CDKL1: variants seen among roughly 807,000 people sequenced by gnomAD.
CDKL1 encodes the protein cyclin-dependent kinase-like 1.
Under a neutral mutation model 42.0 loss-of-function variants are expected in CDKL1, and 41 were observed. The ratio of observed to expected loss-of-function variants is 0.98; its 90% confidence interval spans 0.76 to 1.27. The LOEUF is 1.27. CDKL1 is among the 50% of genes most tolerant of loss of function. The pLI, the probability that CDKL1 is intolerant of heterozygous loss-of-function variation, is 0.00. For missense variants in CDKL1, 394 were observed against 428.4 expected (o/e 0.92, Z 0.71); for synonymous variants, 153 against 158.6 (o/e 0.96, Z 0.26).
chr14:50,335,530 AGTCACG>A, intron 7 of CDKL1: 1 of 1,536,140 alleles, frequency 6.5e-7, no homozygotes, highest in Non-Finnish European at 8.7e-7. Flanking sequence ...ATTTTGCGCC[AGTCACG>A]TGCTGGAGAC....
chr14:50,371,374 A>G (rs2034585716), intron 2 of CDKL1, among the ~76,000 whole-genome samples: 1 of 152,168 alleles, frequency 6.6e-6, no homozygotes, highest in African/African-American at 2.4e-5. Context: ...TTTTCTCCAC[A>G]TCCTCGCCAA....
rs1394414410 is a variant in CDKL1 at position 50,328,856 on chromosome 14, G to C, written c.*1218C>G. The C allele has an allele frequency of 6.6e-6, 1 of 151,670 alleles. No individual in the cohort carries two copies. The highest frequency in any genetic ancestry group is 1.5e-5 in the Non-Finnish European group (1 of 67,990). The allele number at this position is 151,670 out of a possible 1,614,324, so 9.4% of individuals were successfully genotyped here. A position where few individuals can be genotyped will look rare whatever the true frequency, so the allele number is the denominator to read the frequency against. ...AAATACAAAAAAATTAGCCAGTATAGTGGCACATGCCTGCAGTCCCAGCTA... is the reference window on the plus strand; with the variant it reads ...AAATACAAAAAAATTAGCCAGTATACTGGCACATGCCTGCAGTCCCAGCTA... On this transcript the variant is annotated 3_prime_UTR_variant, in exon 10 of 10. Transcript: ENST00000395834.
chr14:50,386,605 T>C lies in CDKL1; in HGVS notation c.168+9096A>G, dbSNP rs182368553. Among the ~76,000 whole-genome samples, 259 of 152,320 alleles carry C rather than the reference T, an allele frequency of 1.7e-3. 2 individuals carry two copies. The highest frequency in any genetic ancestry group is 8.2e-4 in the Non-Finnish European group (56 of 68,030). ...AGGAAAAATCCCAGGACACTTTACA[T>C]AAAATTCTGATTTCTGGCTTTTTAA... is the stretch of plus-strand genomic sequence containing the variant. On this transcript the variant is annotated intron_variant, in intron 2 of 9. Transcript: ENST00000395834.
At chr14:50,372,689 A>G (rs1007070995) in intron 2 of CDKL1, among the ~76,000 whole-genome samples, 153 of 152,172 alleles carry the variant, frequency 1.0e-3, no homozygotes, top group African/African-American at 3.6e-3. Context: ...TCTTTAATCT[A>G]TTGGGTTGAT....
chr14:50,338,887 A>C (rs1468736891), intron 7 of CDKL1, 60 bp downstream of exon 7: 2 of 1,087,694 alleles, frequency 1.8e-6, no homozygotes, highest in African/African-American at 3.1e-5. Context: ...CAGGAGGTGA[A>C]TAACAACCAA....
chr14:50,372,831 A>G (rs2034626265), intron 2 of CDKL1, among the ~76,000 whole-genome samples: 1 of 151,938 alleles, frequency 6.6e-6, no homozygotes, highest in African/African-American at 2.4e-5. Flanking sequence ...TCAAAGATCA[A>G]TTGACCATTC....
At chr14:50,330,555 C>G (rs1335088790) in intron 9 of CDKL1, 4 of 199,840 alleles carry the variant, frequency 2.0e-5, no homozygotes, top group Non-Finnish European at 4.0e-5. Context: ...AGCACCTAGG[C>G]AATTTGCCTA....
At chr14:50,335,545 A>G in intron 7 of CDKL1, 1 of 1,536,076 alleles carries the variant, frequency 6.5e-7, no homozygotes, top group Non-Finnish European at 8.7e-7. Context: ...CGTGCTGGAG[A>G]CAATCAGGAA....
intron 6 of CDKL1, among the ~76,000 whole-genome samples, chr14:50,340,632 A>G (rs960237052): frequency 2.0e-5 from 3 of 152,204 alleles, no homozygotes; most frequent in African/African-American, 7.2e-5. Flanking sequence ...TGAATAATCC[A>G]AACTAGTCAG....
chr14:50,366,680 T>A (rs1239911611), intron 2 of CDKL1, among the ~76,000 whole-genome samples: 1 of 152,160 alleles, frequency 6.6e-6, no homozygotes, highest in Non-Finnish European at 1.5e-5. Context: ...GGCAGGGTAG[T>A]CGGTGAGAAG....
intron 2 of CDKL1, among the ~76,000 whole-genome samples, chr14:50,380,464 A>G (rs1683535945): frequency 6.6e-6 from 1 of 152,216 alleles, no homozygotes; most frequent in Non-Finnish European, 1.5e-5. Context: ...ATTCTTTCCA[A>G]TACCAATCAG....
At chr14:50,380,221 T>A (rs1441453017) in intron 2 of CDKL1, 2 of 532,614 alleles carry the variant, frequency 3.8e-6, no homozygotes, top group Non-Finnish European at 3.8e-6. Flanking sequence ...AAATAGTAAA[T>A]CCGAAGCAAA....
chr14:50,326,584 A>G lies in CDKL1; in HGVS notation c.*3490T>C, dbSNP rs1595229680. The G allele has an allele frequency of 2.0e-6, 2 of 985,460 alleles. No homozygotes were observed. Among genetic ancestry groups the G allele is most frequent in the South Asian group, 9.4e-5 (2 of 21,294 alleles). The allele number at this position is 985,460 out of a possible 1,614,324, so 61.0% of individuals were successfully genotyped here. A position where few individuals can be genotyped will look rare whatever the true frequency, so the allele number is the denominator to read the frequency against. On this transcript the variant is annotated 3_prime_UTR_variant, in exon 10 of 10. Coordinates refer to ENST00000395834, the MANE Select transcript of CDKL1 (RefSeq NM_004196.7). ...TTGATAGCATACAGACTTACTCAGA[A>G]TCAACAGTTGCTGCTTAATTTGTCT... is the stretch of plus-strand genomic sequence containing the variant.
chr14:50,395,791 C>A lies in CDKL1; in HGVS notation c.78G>T (p.Thr26=), dbSNP rs766026278. 10 of 1,613,424 alleles carry A rather than the reference C, an allele frequency of 6.2e-6. No homozygotes were observed. The highest frequency in any genetic ancestry group is 7.6e-6 in the Non-Finnish European group (9 of 1,179,344). ...ACTTCTTGATGGCCACAATCTGACCCGTGTCCCTGTTTCTACATTTGAAAA... is the reference window on the plus strand; with the variant it reads ...ACTTCTTGATGGCCACAATCTGACCAGTGTCCCTGTTTCTACATTTGAAAA... The part of the protein sequence containing the change: ...GVVFKCRNRD[T]GQIVAIKKFL... The change falls in exon 2 of 10, where the codon ACG becomes ACT. Residue 26 remains threonine (T), a synonymous_variant. Transcript: ENST00000395834.
At chr14:50,330,360 ATGTT>A in intron 9 of CDKL1, 179 bp from the exon 10 acceptor site, 1 of 680,586 alleles carries the variant, frequency 1.5e-6, no homozygotes, top group Non-Finnish European at 2.2e-6. Context: ...TTCCTTTTAA[ATGTT>A]TATATTAAAA....
In CDKL1 at chr14:50,396,184, TCAAAAAAAAAA is replaced by T; in HGVS notation, c.-327_-317del. Reference sequence around the variant, plus strand: ...CCGGGCGACAGAGCGAGATTCCGTCTCAAAAAAAAAAAAAAAAAAAAAAAAAAAAGAAAGAA... The same window carrying T: ...CCGGGCGACAGAGCGAGATTCCGTCTAAAAAAAAAAAAAAAAAAGAAAGAA... On this transcript the variant is annotated 5_prime_UTR_variant, in exon 2 of 10. Coordinates refer to ENST00000395834, the MANE Select transcript of CDKL1 (RefSeq NM_004196.7). 1.5e-6 allele frequency: 1 copy of T among 672,264 alleles called. No homozygotes were observed. The highest frequency in any genetic ancestry group is 1.6e-6 in the Non-Finnish European group (1 of 609,780). The allele number at this position is 672,264 out of a possible 1,614,324, so 41.6% of individuals were successfully genotyped here.
Position 50,329,325 on chromosome 14 carries a change from A to C in CDKL1, c.*749T>G, listed in dbSNP as rs1400454524. 6.6e-6 allele frequency: 1 copy of C among 152,164 alleles called. No individual in the cohort carries two copies. The highest frequency in any genetic ancestry group is 1.5e-5 in the Non-Finnish European group (1 of 68,044). The allele number at this position is 152,164 out of a possible 1,614,324, so 9.4% of individuals were successfully genotyped here. A position where few individuals can be genotyped will look rare whatever the true frequency, so the allele number is the denominator to read the frequency against. ...TCTTGCTCTACCCTTTGACTGCCTTAATCAGCTGCCGAGCTTCATGCCATT... is the reference window on the plus strand; with the variant it reads ...TCTTGCTCTACCCTTTGACTGCCTTCATCAGCTGCCGAGCTTCATGCCATT... On this transcript the variant is annotated 3_prime_UTR_variant, in exon 10 of 10. Coordinates refer to ENST00000395834, the MANE Select transcript of CDKL1 (RefSeq NM_004196.7).
chr14:50,389,822 T>A (rs1240321764), intron 2 of CDKL1, among the ~76,000 whole-genome samples: 1 of 152,110 alleles, frequency 6.6e-6, no homozygotes, highest in Non-Finnish European at 1.5e-5. Flanking sequence ...GACCAGTCAT[T>A]GGGAGACTTC....
intron 3 of CDKL1, chr14:50,357,219 C>T (rs535965223): frequency 6.6e-6 from 1 of 152,320 alleles, no homozygotes; most frequent in Admixed American, 6.5e-5. Context: ...CTCTCTCTGG[C>T]TATGTAAATT....
Sources: gnomAD v4.1 joint callset for allele counts (sites outside exome capture counted in the v4.1 genomes callset) on GRCh38, gnomAD v4.1.1 for gene constraint, MANE v1.5 for transcripts, NCBI Gene and HGNC (gene_info 2026-07-23, HGNC 2026-07-21) for gene names.